The following MUC5AC variants were observed in gnomAD, a reference collection of about 807,000 sequenced individuals.
MUC5AC encodes the protein mucin 5AC, oligomeric mucus/gel-forming, also known as mucin-5AC.
Under a neutral mutation model 169.7 loss-of-function variants are expected in MUC5AC, and 158 were observed. That is an observed-to-expected ratio of 0.93 (90% CI 0.82 to 1.06). The LOEUF (loss-of-function observed/expected upper bound fraction) is 1.06. MUC5AC is among the 50% of genes least tolerant of loss of function. The pLI, the probability that MUC5AC is intolerant of heterozygous loss-of-function variation, is 0.00. For missense variants in MUC5AC, 4,359 were observed against 3,089.9 expected (o/e 1.41, Z -9.74); for synonymous variants, 1,975 against 1,237.0 (o/e 1.60, Z -12.52).
rs1860289408 is a variant in MUC5AC at position 1,165,325 on chromosome 11, C to G, written c.1153C>G (p.Gln385Glu). ...PEGTVLDDIG[Q>E]TGCVPVSKCA... The stretch of plus-strand genomic sequence containing the variant: ...AGGGACGGTGCTTGACGACATCGGC[C>G]AGACCGGCTGTGTCCCTGTGTCAAA... Residue 385 changes from glutamine (Q) to glutamate (E), a missense_variant, in exon 10 of 49, where the codon CAG becomes GAG. Physicochemically the swap from Gln to Glu is conservative, Grantham distance 29 (BLOSUM62 2). Coordinates refer to ENST00000621226, the MANE Select transcript of MUC5AC (RefSeq NM_001304359.2). 6.2e-7 allele frequency: 1 copy of G among 1,612,126 alleles called. No homozygotes were observed.
intron 42 of MUC5AC, 57 bp downstream of exon 42, chr11:1,198,061 AT>A: frequency 1.6e-6 from 1 of 637,568 alleles, no homozygotes; most frequent in Non-Finnish European, 2.9e-6. Flanking sequence ...TCCACCTGGG[AT>A]TTTGGGGGGC....
In MUC5AC at chr11:1,177,287, C is replaced by T. The variant is rs887078651; in HGVS notation, c.2850C>T (p.Asn950=). The T allele has an allele frequency of 1.8e-5, 8 of 453,998 alleles. No individual in the cohort carries two copies. The highest frequency in any genetic ancestry group is 3.1e-5 in the Non-Finnish European group (8 of 255,284). 28.1% of individuals were successfully genotyped at this position (453,998 alleles called of 1,614,324 possible). Residue 950 remains asparagine, a synonymous_variant, in exon 23 of 49, where the codon AAC becomes AAT. Coordinates refer to ENST00000621226, the MANE Select transcript of MUC5AC (RefSeq NM_001304359.2). ...TQDSFRVVTE[N]VPCGTTGTTC... ...ACTCCTTTCGTGTTGTCACCGAGAACGTCCCCTGCGGCACCACAGGGACCA... is the reference window on the plus strand; with the variant it reads ...ACTCCTTTCGTGTTGTCACCGAGAATGTCCCCTGCGGCACCACAGGGACCA...
intron 28 of MUC5AC, among the ~76,000 whole-genome samples, chr11:1,180,932 A>C (rs909581637): frequency 6.6e-6 from 1 of 152,086 alleles, no homozygotes; most frequent in Non-Finnish European, 1.5e-5. Context: ...CCCACGAGGG[A>C]GGGACCTTGG....
chr11:1,158,740 G>A (rs569075519), intron 1 of MUC5AC, among the ~76,000 whole-genome samples: 17 of 152,284 alleles, frequency 1.1e-4, no homozygotes, highest in Admixed American at 9.8e-4. Flanking sequence ...GGGTAATGCC[G>A]GGGTTTGGAG....
At position 1,195,112 on chromosome 11, in the gene MUC5AC, C is replaced by T. The variant is rs1028705525; in HGVS notation, c.15291C>T (p.Pro5097=). The change falls in exon 36 of 49, where the codon CCC becomes CCT. Residue 5097 remains proline, a synonymous_variant. Transcript: ENST00000621226. ...CCGGCCTCTGGAACGTGAGCATACC[C>T]GACCAGCCAGCCTGCCACCGGCCTC... is the stretch of plus-strand genomic sequence containing the variant. ...EMSGLWNVSI[P]DQPACHRPHP... 1 allele frequency: 758,852 copies of T among 758,856 alleles called. 379,425 individuals carry two copies. The highest frequency in any genetic ancestry group is 1 in the Middle Eastern group (4,426 of 4,426). The allele number at this position is 758,856 out of a possible 1,614,324, so 47.0% of individuals were successfully genotyped here. A position where few individuals can be genotyped will look rare whatever the true frequency, so the allele number is the denominator to read the frequency against.
Position 1,200,793 on chromosome 11 carries a change from C to A in MUC5AC, c.*91C>A. 1 of 662,182 alleles carries A rather than the reference C, an allele frequency of 1.5e-6. No homozygotes were observed. The highest frequency in any genetic ancestry group is 2.7e-6 in the Non-Finnish European group (1 of 366,098). 41.0% of individuals were successfully genotyped at this position (662,182 alleles called of 1,614,324 possible). ...AGGCCAGTGGAACTTGTGCCCCTGT[C>A]CAGGCGGCTGCAGCTTTGAACACAC... On this transcript the variant is annotated 3_prime_UTR_variant, in exon 49 of 49. Coordinates refer to ENST00000621226, the MANE Select transcript of MUC5AC (RefSeq NM_001304359.2).
In MUC5AC at chr11:1,200,973, G is replaced by A. The variant is rs1465774837; in HGVS notation, c.*271G>A. The A allele has an allele frequency of 5.6e-6, 2 of 355,996 alleles. No homozygotes were observed. The allele number at this position is 355,996 out of a possible 1,614,324, so 22.1% of individuals were successfully genotyped here. On this transcript the variant is annotated 3_prime_UTR_variant, in exon 49 of 49. Transcript: ENST00000621226. ...CATGCATCCAGCCTGCTGTTCTGGG[G>A]ACGTGAGCATCACCTGAGGGTCTCA...
At position 1,194,585 on chromosome 11, in the gene MUC5AC, G is replaced by A. The variant is rs1056649714; in HGVS notation, c.15105G>A (p.Leu5035=). 2.6e-6 allele frequency: 2 copies of A among 764,618 alleles called. No individual in the cohort carries two copies. The highest frequency in any genetic ancestry group is 4.8e-6 in the Non-Finnish European group (2 of 417,638). The allele number at this position is 764,618 out of a possible 1,614,324, so 47.4% of individuals were successfully genotyped here. ...GVKMYATIPE[L]GVQVMFSGLI... is the part of the protein sequence containing the mutation. Reference sequence around the variant, plus strand: ...AGATGTACGCGACCATCCCGGAGCTGGGAGTCCAGGTCATGTTCTCCGGCC... The same window carrying A: ...AGATGTACGCGACCATCCCGGAGCTAGGAGTCCAGGTCATGTTCTCCGGCC... The change falls in exon 35 of 49, where the codon CTG becomes CTA. Residue 5035 remains leucine, a synonymous_variant. Coordinates refer to ENST00000621226, the MANE Select transcript of MUC5AC (RefSeq NM_001304359.2).
Position 1,197,883 on chromosome 11 carries a change from C to T in MUC5AC, c.16034-20C>T, listed in dbSNP as rs1366718548. 1.4e-6 allele frequency: 1 copy of T among 703,042 alleles called. No homozygotes were observed. The highest frequency in any genetic ancestry group is 1.5e-5 in the South Asian group (1 of 67,400). The allele number at this position is 703,042 out of a possible 1,614,324, so 43.6% of individuals were successfully genotyped here. On this transcript the variant is annotated intron_variant, in intron 41 of 48. Transcript: ENST00000621226. ...GGGGCGGGGGACAGACTCCTAATTGCCTCACTCCCGCCCCCGCAGCCTGCA... is the reference window on the plus strand; with the variant it reads ...GGGGCGGGGGACAGACTCCTAATTGTCTCACTCCCGCCCCCGCAGCCTGCA...
chr11:1,175,800 C>CCACTCATGCACTCA (rs1554926826), intron 19 of MUC5AC, among the ~76,000 whole-genome samples: 2 of 34,136 alleles, frequency 5.9e-5, no homozygotes, highest in African/African-American at 1.3e-4. Flanking sequence ...GCACTCACAC[C>CCACTCATGCACTCA]CACCCACTCA....
At chr11:1,173,724 G>A (rs1323638436) in intron 16 of MUC5AC, among the ~76,000 whole-genome samples, 3,416 of 85,566 alleles carry the variant, frequency 0.04, 134 homozygotes, top group African/African-American at 0.14. Context: ...ATTCATTCAC[G>A]CACTCATCCA....
In MUC5AC at chr11:1,176,274, A is replaced by G. The variant is rs923988742; in HGVS notation, c.2502+23A>G. 4.3e-4 allele frequency: 171 copies of G among 398,672 alleles called. 1 individual carries two copies. Among genetic ancestry groups the G allele is most frequent in the African/African-American group, 3.1e-3 (151 of 48,728 alleles). The allele number at this position is 398,672 out of a possible 1,614,324, so 24.7% of individuals were successfully genotyped here. A position where few individuals can be genotyped will look rare whatever the true frequency, so the allele number is the denominator to read the frequency against. The stretch of plus-strand genomic sequence containing the variant: ...TGTGTAAGTCCCTGAGGACTCCCCA[A>G]TGACAGACCCTCCATCTGCCCCTGC... On this transcript the variant is annotated intron_variant, in intron 20 of 48. Coordinates refer to ENST00000621226, the MANE Select transcript of MUC5AC (RefSeq NM_001304359.2).
At position 1,190,802 on chromosome 11, in the gene MUC5AC, C is replaced by T. The variant is rs1219777156; in HGVS notation, c.12657C>T (p.Ser4219=). The change falls in exon 31 of 49, where the codon TCC becomes TCT. Residue 4219 remains serine (S), a synonymous_variant. Coordinates refer to ENST00000621226, the MANE Select transcript of MUC5AC (RefSeq NM_001304359.2). ...CAGCTGCTACAAGCAGCACAACCTC[C>T]GGTTCTGGAACTACTCCAAGCCCTG... is the stretch of plus-strand genomic sequence containing the variant. The part of the protein sequence containing the change: ...KTSAATSSTT[S]GSGTTPSPVP... 3.5e-5 allele frequency: 25 copies of T among 723,670 alleles called. No homozygotes were observed. The highest frequency in any genetic ancestry group is 7.7e-5 in the East Asian group (3 of 38,710). 44.8% of individuals were successfully genotyped at this position (723,670 alleles called of 1,614,324 possible).
chr11:1,165,332 G>A lies in MUC5AC; in HGVS notation c.1160G>A (p.Gly387Asp). Residue 387 changes from glycine to aspartate, a missense_variant, in exon 10 of 49, where the codon GGC becomes GAC. Transcript: ENST00000621226. Reference sequence around the variant, plus strand: ...GTGCTTGACGACATCGGCCAGACCGGCTGTGTCCCTGTGTCAAAGTGTGCC... The same window carrying A: ...GTGCTTGACGACATCGGCCAGACCGACTGTGTCCCTGTGTCAAAGTGTGCC... The part of the protein sequence containing the change: ...GTVLDDIGQT[G>D]CVPVSKCACV... The A allele has an allele frequency of 6.2e-7, 1 of 1,612,286 alleles. No homozygotes were observed. Among genetic ancestry groups the A allele is most frequent in the Non-Finnish European group, 8.5e-7 (1 of 1,179,696 alleles).
At position 1,187,669 on chromosome 11, in the gene MUC5AC, C is replaced by T; in HGVS notation, c.9524C>T (p.Ala3175Val). The T allele has an allele frequency of 1.3e-6, 1 of 765,036 alleles. No homozygotes were observed. 47.4% of individuals were successfully genotyped at this position (765,036 alleles called of 1,614,324 possible). A position where few individuals can be genotyped will look rare whatever the true frequency, so the allele number is the denominator to read the frequency against. ...IFAPRTSTTS[A>V]STTSTTPGPG... is the part of the protein sequence containing the mutation. Reference sequence around the variant, plus strand: ...GCTCCTAGAACCAGCACCACTTCTGCCTCTACAACCAGCACAACCCCTGGT... The same window carrying T: ...GCTCCTAGAACCAGCACCACTTCTGTCTCTACAACCAGCACAACCCCTGGT... Residue 3175 changes from alanine (A) to valine (V), a missense_variant, in exon 31 of 49, where the codon GCC (alanine) becomes GTC (valine). Coordinates refer to ENST00000621226, the MANE Select transcript of MUC5AC (RefSeq NM_001304359.2).
chr11:1,189,880 C>T lies in MUC5AC; in HGVS notation c.11735C>T (p.Thr3912Ile), dbSNP rs1189073070. The change falls in exon 31 of 49, where the codon ACC (threonine) becomes ATC (isoleucine). Residue 3912 changes from threonine (T) to isoleucine (I), a missense_variant. Transcript: ENST00000621226. ...SKTSAATSST[T>I]SGSGTTPSPV... is the part of the protein sequence containing the mutation. ...ACCTCAGCTGCTACAAGCAGCACAA[C>T]CTCCGGTTCTGGAACTACTCCCAGC... The T allele has an allele frequency of 3.9e-6, 3 of 764,870 alleles. No homozygotes were observed. Among genetic ancestry groups the T allele is most frequent in the Non-Finnish European group, 7.2e-6 (3 of 417,772 alleles). The allele number at this position is 764,870 out of a possible 1,614,324, so 47.4% of individuals were successfully genotyped here.
Position 1,175,250 on chromosome 11 carries a change from G to C in MUC5AC, c.2381G>C (p.Gly794Ala). ...TCTHGKLSCIGGQAPAPVCAA... is the reference protein window; with the variant it reads ...TCTHGKLSCIAGQAPAPVCAA... The stretch of plus-strand genomic sequence containing the variant: ...ACACATGGGAAGCTGAGCTGCATCG[G>C]AGGCCAAGCCCCCGCCCCAGGTGAG... Residue 794 changes from glycine (G) to alanine (A), a missense_variant, in exon 19 of 49, where the codon GGA becomes GCA. Transcript: ENST00000621226. 1 of 398,702 alleles carries C rather than the reference G, an allele frequency of 2.5e-6. No homozygotes were observed. The allele number at this position is 398,702 out of a possible 1,614,324, so 24.7% of individuals were successfully genotyped here. A position where few individuals can be genotyped will look rare whatever the true frequency, so the allele number is the denominator to read the frequency against.
rs1391235334 is a variant in MUC5AC at position 1,190,478 on chromosome 11, C to T, written c.12333C>T (p.Thr4111=). Residue 4111 remains threonine (T), a synonymous_variant, in exon 31 of 49, where the codon ACC becomes ACT. Coordinates refer to ENST00000621226, the MANE Select transcript of MUC5AC (RefSeq NM_001304359.2). ...PQTSTTSAPT[T]STIPASTPST... ...CCAGCACAACCTCTGCCCCTACAAC[C>T]AGCACAATCCCTGCTTCTACACCCA... 6 of 699,862 alleles carry T rather than the reference C, an allele frequency of 8.6e-6. No individual in the cohort carries two copies. The highest frequency in any genetic ancestry group is 8.0e-5 in the East Asian group (3 of 37,346). 43.4% of individuals were successfully genotyped at this position (699,862 alleles called of 1,614,324 possible).
chr11:1,168,199 C>T (rs1860390566), intron 12 of MUC5AC, among the ~76,000 whole-genome samples: 1 of 152,202 alleles, frequency 6.6e-6, no homozygotes, highest in Non-Finnish European at 1.5e-5. Flanking sequence ...CCATACCTGA[C>T]CCAAGGGGCC....
Sources: allele counts gnomAD v4.1 joint callset (sites outside exome capture counted in the v4.1 genomes callset), GRCh38; gene constraint gnomAD v4.1.1; transcripts MANE v1.5; gene names NCBI Gene and HGNC (gene_info 2026-07-23, HGNC 2026-07-21).